Variants in INHBE observed in about 807,000 individuals in gnomAD.
INHBE encodes inhibin subunit beta E.
In INHBE, 19 loss-of-function variants were observed where a neutral mutation model predicts 27.8. The observed-to-expected ratio is 0.68, with a 90% CI of 0.48 to 1.00. INHBE has a LOEUF of 1.00. INHBE is among the 50% of genes least tolerant of loss of function. The pLI is 0.00. For synonymous variants in INHBE, 196 were observed against 187.2 expected (o/e 1.05, Z -0.38); for missense variants, 398 against 433.9 (o/e 0.92, Z 0.73).
chr12:57,455,734 T>C lies in INHBE; in HGVS notation c.198T>C (p.Pro66=), dbSNP rs752906754. Residue 66 remains proline (P), a synonymous_variant, in exon 1 of 2, where the codon CCT becomes CCC. Coordinates refer to ENST00000266646, the MANE Select transcript of INHBE (RefSeq NM_031479.5). ...HLTSRPRITH[P]PPQAALTRAL... is the part of the protein sequence containing the mutation. ...CCAGTCGTCCCAGAATAACTCATCC[T>C]CCACCCCAGGCAGCGCTGACCAGAG... 8.1e-6 allele frequency: 13 copies of C among 1,613,964 alleles called. No homozygotes were observed. In the Middle Eastern group the frequency reaches 1.2e-3, roughly 143 times the overall value.
At position 57,456,566 on chromosome 12, in the gene INHBE, G is replaced by A; in HGVS notation, c.771G>A (p.Gln257=). 1 of 1,614,196 alleles carries A rather than the reference G, an allele frequency of 6.2e-7. No individual in the cohort carries two copies. Among genetic ancestry groups the A allele is most frequent in the Non-Finnish European group, 8.5e-7 (1 of 1,180,034 alleles). The part of the protein sequence containing the change: ...CCRRDHYVDF[Q]ELGWRDWILQ... ...GGCGAGACCATTACGTAGACTTCCA[G>A]GAACTGGGATGGCGGGACTGGATAC... is the stretch of plus-strand genomic sequence containing the variant. Residue 257 remains glutamine, a synonymous_variant, in exon 2 of 2, where the codon CAG becomes CAA. Transcript: ENST00000266646.
Position 57,455,511 on chromosome 12 carries a change from C to T in INHBE, c.-26C>T, listed in dbSNP as rs1385936761. On this transcript the variant is annotated 5_prime_UTR_variant, in exon 1 of 2. Coordinates refer to ENST00000266646, the MANE Select transcript of INHBE (RefSeq NM_031479.5). ...ACGGAGCAACTGCCATCCGAGGCTCCTGAACCAGGGCCATTCACCAGGAGC... is the reference window on the plus strand; with the variant it reads ...ACGGAGCAACTGCCATCCGAGGCTCTTGAACCAGGGCCATTCACCAGGAGC... The T allele has an allele frequency of 1.3e-6, 2 of 1,580,720 alleles. No homozygotes were observed. The highest frequency in any genetic ancestry group is 3.4e-5 in the Admixed American group (2 of 58,240).
chr12:57,456,453 G>C lies in INHBE; in HGVS notation c.658G>C (p.Glu220Gln). Residue 220 changes from glutamate to glutamine, a missense_variant, in exon 2 of 2, where the codon GAG becomes CAG. Transcript: ENST00000266646. ...AGCAGGACACCAGCAGCCCTTCCTAGAGCTTAAGATCCGAGCCAATGAGCC... is the reference window on the plus strand; with the variant it reads ...AGCAGGACACCAGCAGCCCTTCCTACAGCTTAAGATCCGAGCCAATGAGCC... The part of the protein sequence containing the change: ...DTAGHQQPFL[E>Q]LKIRANEPGA... 3 of 1,614,120 alleles carry C rather than the reference G, an allele frequency of 1.9e-6. 1 individual carries two copies. The highest frequency in any genetic ancestry group is 3.3e-4 in the Middle Eastern group (2 of 6,062).
At position 57,455,453 on chromosome 12, in the gene INHBE, C is replaced by T. The variant is rs1216650260; in HGVS notation, c.-84C>T. The T allele has an allele frequency of 7.8e-7, 1 of 1,280,154 alleles. No homozygotes were observed. 79.3% of individuals were successfully genotyped at this position (1,280,154 alleles called of 1,614,324 possible). A position where few individuals can be genotyped will look rare whatever the true frequency, so the allele number is the denominator to read the frequency against. On this transcript the variant is annotated 5_prime_UTR_variant, in exon 1 of 2. Transcript: ENST00000266646. ...GGCAGTGGTGTCTGCTGTCACTGTG[C>T]CCTCATTGGCCCCCAGCAATCAGAC...
rs1200735738 is a variant in INHBE, at chr12:57,457,848, G to T, written c.*1000G>T. The T allele has an allele frequency of 1.3e-5, 2 of 152,228 alleles. No individual in the cohort carries two copies. The highest frequency in any genetic ancestry group is 4.8e-5 in the African/African-American group (2 of 41,448). 9.4% of individuals were successfully genotyped at this position (152,228 alleles called of 1,614,324 possible). On this transcript the variant is annotated 3_prime_UTR_variant, in exon 2 of 2. Transcript: ENST00000266646. ...TCAAGTGTACTCTGTAGGCTTCTGG[G>T]AGGTCCCTTTTCAGGGGTGTCCACA...
In INHBE at chr12:57,455,835, G is replaced by T. The variant is rs375342858; in HGVS notation, c.298+1G>T. 105 of 1,613,064 alleles carry T rather than the reference G, an allele frequency of 6.5e-5. No individual in the cohort carries two copies. The highest frequency in any genetic ancestry group is 7.4e-5 in the Non-Finnish European group (87 of 1,179,446). ...GTCATCAGCTTTGCTACTGTCACAG[G>T]TGGGTGAGGGAGAGAGCAACAGGCA... On this transcript the variant is annotated splice_donor_variant, in intron 1 of 1. Transcript: ENST00000266646. LOFTEE classifies it high-confidence loss of function.
Position 57,456,336 on chromosome 12 carries a change from G to A in INHBE, c.541G>A (p.Glu181Lys), listed in dbSNP as rs770054053. The change falls in exon 2 of 2, where the codon GAG becomes AAG. Residue 181 changes from glutamate to lysine, a missense_variant. Glu to Lys is a moderately conservative substitution (Grantham distance 56). Coordinates refer to ENST00000266646, the MANE Select transcript of INHBE (RefSeq NM_031479.5). The stretch of plus-strand genomic sequence containing the variant: ...TCTGCCCTCTAGTGGCTTGAGGGGT[G>A]AGAAGTCTGGTGTCCTGAAACTGCA... Reference protein sequence around the residue: ...LTLPSSGLRGEKSGVLKLQLD... With the variant: ...LTLPSSGLRGKKSGVLKLQLD... 2 of 1,614,150 alleles carry A rather than the reference G, an allele frequency of 1.2e-6. No individual in the cohort carries two copies. The highest frequency in any genetic ancestry group is 3.3e-5 in the Admixed American group (2 of 60,020).
chr12:57,456,138 A>T lies in INHBE; in HGVS notation c.343A>T (p.Thr115Ser), dbSNP rs139176331. The part of the protein sequence containing the change: ...YSSLLTFHLS[T>S]PRSHHLYHAR... ...CTCCCTGCTCACTTTTCACCTGTCC[A>T]CTCCTCGGTCCCACCACCTGTACCA... is the stretch of plus-strand genomic sequence containing the variant. The change falls in exon 2 of 2, where the codon ACT (threonine) becomes TCT (serine). Residue 115 changes from threonine (T) to serine (S), a missense_variant. Transcript: ENST00000266646. 2.9e-4 allele frequency: 474 copies of T among 1,612,708 alleles called. 1 individual carries two copies. The highest frequency in any genetic ancestry group is 1.6e-3 in the Middle Eastern group (10 of 6,078).
rs750797421 is a variant in INHBE, at chr12:57,456,183, G to A, written c.388G>A (p.Val130Met). The A allele has an allele frequency of 1.7e-5, 27 of 1,613,766 alleles. No homozygotes were observed. The highest frequency in any genetic ancestry group is 7.7e-5 in the South Asian group (7 of 91,066). ...HLYHARLWLH[V>M]LPTLPGTLCL... ...GTACCATGCCCGCCTGTGGCTGCAC[G>A]TGCTCCCCACCCTTCCTGGCACTCT... Residue 130 changes from valine to methionine, a missense_variant, in exon 2 of 2, where the codon GTG (valine) becomes ATG (methionine). Transcript: ENST00000266646.
Position 57,456,120 on chromosome 12 carries a change from C to A in INHBE, c.325C>A (p.Leu109Ile). 3 of 1,612,652 alleles carry A rather than the reference C, an allele frequency of 1.9e-6. No individual in the cohort carries two copies. The highest frequency in any genetic ancestry group is 2.5e-6 in the Non-Finnish European group (3 of 1,179,000). The change falls in exon 2 of 2, where the codon CTC (leucine) becomes ATC (isoleucine). Residue 109 changes from leucine to isoleucine, a missense_variant. Transcript: ENST00000266646. Reference protein sequence around the residue: ...TDSTSAYSSLLTFHLSTPRSH... With the variant: ...TDSTSAYSSLITFHLSTPRSH... ...CTCCACTTCAGCCTACAGCTCCCTG[C>A]TCACTTTTCACCTGTCCACTCCTCG...
chr12:57,456,414 C>T lies in INHBE; in HGVS notation c.619C>T (p.Arg207Trp), dbSNP rs769702343. Residue 207 changes from arginine to tryptophan, a missense_variant, in exon 2 of 2, where the codon CGG (arginine) becomes TGG (tryptophan). Physicochemically the swap from Arg to Trp is moderately radical, Grantham distance 101. Coordinates refer to ENST00000266646, the MANE Select transcript of INHBE (RefSeq NM_031479.5). ...GNSTVTGQPRRLLDTAGHQQP... is the reference protein window; with the variant it reads ...GNSTVTGQPRWLLDTAGHQQP... ...CAGCACAGTTACTGGACAACCGAGG[C>T]GGCTCTTGGACACAGCAGGACACCA... The T allele has an allele frequency of 9.9e-6, 16 of 1,614,124 alleles. No individual in the cohort carries two copies. The highest frequency in any genetic ancestry group is 1.6e-4 in the Middle Eastern group (1 of 6,062).
In INHBE at chr12:57,457,744, C is replaced by T. The variant is rs1050739178; in HGVS notation, c.*896C>T. ...AGCCACCGCGCCTGGCTTATACTTT[C>T]TTAATAAAAAGGAGAAAGAAAATCA... On this transcript the variant is annotated 3_prime_UTR_variant, in exon 2 of 2. Coordinates refer to ENST00000266646, the MANE Select transcript of INHBE (RefSeq NM_031479.5). 1 of 152,078 alleles carries T rather than the reference C, an allele frequency of 6.6e-6. No individual in the cohort carries two copies. Among genetic ancestry groups the T allele is most frequent in the African/African-American group, 2.4e-5 (1 of 41,396 alleles). The allele number at this position is 152,078 out of a possible 1,614,324, so 9.4% of individuals were successfully genotyped here. A position where few individuals can be genotyped will look rare whatever the true frequency, so the allele number is the denominator to read the frequency against.
rs377350183 is a variant in INHBE, at chr12:57,456,806, G to A, written c.1011G>A (p.Thr337=). The change falls in exon 2 of 2, where the codon ACG becomes ACA. Residue 337 remains threonine, a synonymous_variant. Coordinates refer to ENST00000266646, the MANE Select transcript of INHBE (RefSeq NM_031479.5). The part of the protein sequence containing the change: ...YLDHNGNVVK[T]DVPDMVVEAC... ...ATCATAATGGCAATGTGGTCAAGAC[G>A]GATGTGCCAGATATGGTGGTGGAGG... is the stretch of plus-strand genomic sequence containing the variant. 26 of 1,613,856 alleles carry A rather than the reference G, an allele frequency of 1.6e-5. No individual in the cohort carries two copies. The highest frequency in any genetic ancestry group is 6.7e-5 in the East Asian group (3 of 44,876).
In INHBE at chr12:57,456,427, C is replaced by T; in HGVS notation, c.632C>T (p.Thr211Ile). 1 of 1,614,148 alleles carries T rather than the reference C, an allele frequency of 6.2e-7. No homozygotes were observed. Among genetic ancestry groups the T allele is most frequent in the Non-Finnish European group, 8.5e-7 (1 of 1,180,022 alleles). Residue 211 changes from threonine (T) to isoleucine (I), a missense_variant, in exon 2 of 2, where the codon ACA (threonine) becomes ATA (isoleucine). Transcript: ENST00000266646. ...VTGQPRRLLD[T>I]AGHQQPFLEL... ...GGACAACCGAGGCGGCTCTTGGACACAGCAGGACACCAGCAGCCCTTCCTA... is the reference window on the plus strand; with the variant it reads ...GGACAACCGAGGCGGCTCTTGGACATAGCAGGACACCAGCAGCCCTTCCTA...
intron 1 of INHBE, 91 bp from the exon 2 acceptor site, chr12:57,455,992 AGAGGTAGGTTC>A: frequency 6.9e-7 from 1 of 1,442,830 alleles, no homozygotes; most frequent in South Asian, 1.3e-5. Context: ...CTACTTTTCT[AGAGGTAGGTTC>A]GAGGGAGAGC....
rs1870851178 is a variant in INHBE, at chr12:57,456,908, A to G, written c.*60A>G. The G allele has an allele frequency of 1.3e-6, 2 of 1,514,702 alleles. No individual in the cohort carries two copies. The highest frequency in any genetic ancestry group is 2.8e-5 in the African/African-American group (2 of 72,604). The allele number at this position is 1,514,702 out of a possible 1,614,324, so 93.8% of individuals were successfully genotyped here. A position where few individuals can be genotyped will look rare whatever the true frequency, so the allele number is the denominator to read the frequency against. On this transcript the variant is annotated 3_prime_UTR_variant, in exon 2 of 2. Transcript: ENST00000266646. Reference sequence around the variant, plus strand: ...AGATGAAGTTTCCCAGGCACAGGGCATCTGTGACTGGAGGCATCAGATTCC... The same window carrying G: ...AGATGAAGTTTCCCAGGCACAGGGCGTCTGTGACTGGAGGCATCAGATTCC...
At position 57,455,777 on chromosome 12, in the gene INHBE, C is replaced by T; in HGVS notation, c.241C>T (p.Pro81Ser). ...ALTRALRRLQ[P>S]GSVAPGNGEE... is the part of the protein sequence containing the mutation. ...GACCAGAGCCCTCCGGAGACTACAG[C>T]CAGGGAGTGTGGCTCCAGGGAATGG... The change falls in exon 1 of 2, where the codon CCA (proline) becomes TCA (serine). Residue 81 changes from proline to serine, a missense_variant. Pro to Ser is a moderately conservative substitution (Grantham distance 74). Coordinates refer to ENST00000266646, the MANE Select transcript of INHBE (RefSeq NM_031479.5). 1.2e-6 allele frequency: 2 copies of T among 1,614,020 alleles called. No individual in the cohort carries two copies. The highest frequency in any genetic ancestry group is 2.2e-5 in the East Asian group (1 of 44,884).
intron 1 of INHBE, 96 bp downstream of exon 1, chr12:57,455,930 G>C: frequency 7.2e-7 from 1 of 1,381,362 alleles, no homozygotes; most frequent in Non-Finnish European, 1.0e-6. Flanking sequence ...GGGTGTGGCA[G>C]GAGAAGGAGG....
rs1005647635 is a variant in INHBE, at chr12:57,456,736, G to A, written c.941G>A (p.Cys314Tyr). The A allele has an allele frequency of 1.2e-6, 2 of 1,614,104 alleles. No homozygotes were observed. Among genetic ancestry groups the A allele is most frequent in the Non-Finnish European group, 1.7e-6 (2 of 1,180,054 alleles). ...AATCCTTGGCCTGCCAGTACCTCCT[G>A]TTGTGTCCCTACTGCCCGAAGGCCC... ...ANNPWPASTSCCVPTARRPLS... is the reference protein window; with the variant it reads ...ANNPWPASTSYCVPTARRPLS... Residue 314 changes from cysteine (C) to tyrosine (Y), a missense_variant, in exon 2 of 2, where the codon TGT (cysteine) becomes TAT (tyrosine). Physicochemically the swap from Cys to Tyr is radical, Grantham distance 194 (BLOSUM62 -2). Coordinates refer to ENST00000266646, the MANE Select transcript of INHBE (RefSeq NM_031479.5).
Sources: allele counts gnomAD v4.1 joint callset, GRCh38; gene constraint gnomAD v4.1.1; transcripts MANE v1.5; gene names NCBI Gene and HGNC (gene_info 2026-07-23, HGNC 2026-07-21).